Variants in RAB11FIP4 observed in about 807,000 individuals in gnomAD.
The protein encoded by RAB11FIP4 is RAB11 family interacting protein 4.
Under a neutral mutation model 74.3 loss-of-function variants are expected in RAB11FIP4, and 23 were observed. That is an observed-to-expected ratio of 0.31 (90% CI 0.22 to 0.44). The LOEUF (loss-of-function observed/expected upper bound fraction) is 0.44, where lower values mean the gene tolerates loss of function less well. Ranked by LOEUF, RAB11FIP4 falls within the 20% of genes least tolerant of loss-of-function variation. The pLI is 1.00. For missense variants in RAB11FIP4, 630 were observed against 863.9 expected (o/e 0.73, Z 3.39); for synonymous variants, 360 against 359.9 (o/e 1.00, Z 0.00).
chr17:31,508,453 C>T lies in RAB11FIP4; in HGVS notation c.337-9198C>T, dbSNP rs1028482108. ...GCAGCCCTTCTCTCCTGTCTGTCAG[C>T]AGGCTTCTGGGAGTGGGTGCTACGT... On this transcript the variant is annotated intron_variant, in intron 3 of 14. Coordinates refer to ENST00000621161, the MANE Select transcript of RAB11FIP4 (RefSeq NM_032932.6). Among the ~76,000 whole-genome samples the T allele has an allele frequency of 1.8e-4, 28 of 152,204 alleles. 1 individual carries two copies. The highest frequency in any genetic ancestry group is 7.3e-5 in the Non-Finnish European group (5 of 68,038).
At position 31,434,137 on chromosome 17, in the gene RAB11FIP4, GC is replaced by G. The variant is rs1567654321; in HGVS notation, c.336+17del. 6.4e-7 allele frequency: 1 copy of G among 1,558,482 alleles called. No homozygotes were observed. The highest frequency in any genetic ancestry group is 8.7e-7 in the Non-Finnish European group (1 of 1,155,944). ...GCGTGGAGCAGGTAAGGCTTGGGGG[GC>G]CTCAAGGACCTCCATGGCTCTGCCT... On this transcript the variant is annotated intron_variant, in intron 3 of 14. Coordinates refer to ENST00000621161, the MANE Select transcript of RAB11FIP4 (RefSeq NM_032932.6).
intron 3 of RAB11FIP4, among the ~76,000 whole-genome samples, chr17:31,514,192 T>C (rs2072504035): frequency 6.6e-6 from 1 of 152,244 alleles, no homozygotes; most frequent in Non-Finnish European, 1.5e-5. Flanking sequence ...GGTCAGGGGC[T>C]TGGGCCAGCT....
At chr17:31,522,114 G>A (rs758202180) in intron 6 of RAB11FIP4, 65 bp downstream of exon 6, 1 of 1,600,042 alleles carries the variant, frequency 6.2e-7, no homozygotes, top group Non-Finnish European at 8.6e-7. Flanking sequence ...GGAGGGAGAA[G>A]CTACGGGCAT....
intron 3 of RAB11FIP4, among the ~76,000 whole-genome samples, chr17:31,446,494 C>T (rs2071465608): frequency 2.0e-5 from 3 of 152,028 alleles, no homozygotes; most frequent in Non-Finnish European, 2.9e-5. Context: ...AACGTCTGTG[C>T]GATGAACACT....
intron 3 of RAB11FIP4, among the ~76,000 whole-genome samples, chr17:31,466,096 A>C (rs954558334): frequency 1.3e-5 from 2 of 152,028 alleles, no homozygotes; most frequent in Admixed American, 1.3e-4. Context: ...GTGAGCCGAG[A>C]TCACGCCACT....
At chr17:31,412,039 C>A (rs540382699) in intron 1 of RAB11FIP4, among the ~76,000 whole-genome samples, 71 of 152,286 alleles carry the variant, frequency 4.7e-4, no homozygotes, top group African/African-American at 1.7e-3. Context: ...ATGCTGAGTT[C>A]AATCACCTGG....
At chr17:31,463,552 A>C (rs2071653143) in intron 3 of RAB11FIP4, among the ~76,000 whole-genome samples, 1 of 152,066 alleles carries the variant, frequency 6.6e-6, no homozygotes, top group Admixed American at 6.6e-5. Flanking sequence ...GGCAGCCAGC[A>C]TGTGCCTTTC....
intron 3 of RAB11FIP4, among the ~76,000 whole-genome samples, chr17:31,446,431 A>G (rs1033829174): frequency 6.6e-6 from 1 of 151,998 alleles, no homozygotes; most frequent in Non-Finnish European, 1.5e-5. Flanking sequence ...CGGCCTTGGT[A>G]CTTTCTGGCT....
chr17:31,392,219 C>T (rs1239517266), intron 1 of RAB11FIP4: 7 of 368,916 alleles, frequency 1.9e-5, no homozygotes, highest in Non-Finnish European at 3.3e-5. Context: ...GCGCCCGTGC[C>T]CCGAGCGTCA....
intron 1 of RAB11FIP4, among the ~76,000 whole-genome samples, chr17:31,428,070 G>T (rs1483651239): frequency 6.6e-6 from 1 of 152,162 alleles, no homozygotes; most frequent in Non-Finnish European, 1.5e-5. Flanking sequence ...CCTCACCCCA[G>T]ACTCACCCCA....
At chr17:31,489,192 T>C (rs1244556909) in intron 3 of RAB11FIP4, among the ~76,000 whole-genome samples, 1 of 152,182 alleles carries the variant, frequency 6.6e-6, no homozygotes, top group African/African-American at 2.4e-5. Context: ...TTCCTGGTGA[T>C]CCACCAAACT....
At chr17:31,392,104 CGAGGCGGTGG>C in intron 1 of RAB11FIP4, 93 bp downstream of exon 1, 1 of 1,014,366 alleles carries the variant, frequency 9.9e-7, no homozygotes. Flanking sequence ...CCGCGTGGCC[CGAGGCGGTGG>C]CCTCCCTCCC....
intron 3 of RAB11FIP4, among the ~76,000 whole-genome samples, chr17:31,445,576 A>ATG (rs1567658421): frequency 1.6e-3 from 16 of 10,018 alleles, no homozygotes; most frequent in South Asian, 8.9e-3. Context: ...ATATATATAT[A>ATG]TATTTTTTTT....
intron 3 of RAB11FIP4, among the ~76,000 whole-genome samples, chr17:31,453,385 C>A (rs867256422): frequency 1.9e-4 from 22 of 114,378 alleles, no homozygotes; most frequent in African/African-American, 7.8e-4. Flanking sequence ...AAAAAACAAA[C>A]CTGGGGAGAG....
intron 3 of RAB11FIP4, among the ~76,000 whole-genome samples, chr17:31,478,295 C>T (rs2071814741): frequency 6.6e-6 from 1 of 152,102 alleles, no homozygotes; most frequent in African/African-American, 2.4e-5. Flanking sequence ...GCCTGGCCAG[C>T]TGTAAATACC....
chr17:31,523,611 G>A lies in RAB11FIP4; in HGVS notation c.1029G>A (p.Lys343=). Residue 343 remains lysine, a splice_region_variant and synonymous_variant, in exon 8 of 15, where the codon AAG becomes AAA. Coordinates refer to ENST00000621161, the MANE Select transcript of RAB11FIP4 (RefSeq NM_032932.6). ...IDSCDNDITE[K]VSFLEKKVTE... ...CTTGCGACAATGACATCACAGAGAAGGTGGGCCTTGGGTGGCTGGAGAAGG... is the reference window on the plus strand; with the variant it reads ...CTTGCGACAATGACATCACAGAGAAAGTGGGCCTTGGGTGGCTGGAGAAGG... 1.9e-6 allele frequency: 3 copies of A among 1,613,584 alleles called. No homozygotes were observed. The highest frequency in any genetic ancestry group is 2.5e-6 in the Non-Finnish European group (3 of 1,179,486).
chr17:31,495,000 G>A (rs1204944100), intron 3 of RAB11FIP4, among the ~76,000 whole-genome samples: 1 of 152,226 alleles, frequency 6.6e-6, no homozygotes, highest in Non-Finnish European at 1.5e-5. Context: ...GGGGAGGATG[G>A]CCCTCCACAC....
At chr17:31,517,109 T>A (rs1163381820) in intron 3 of RAB11FIP4, among the ~76,000 whole-genome samples, 2 of 148,730 alleles carry the variant, frequency 1.3e-5, no homozygotes, top group Non-Finnish European at 3.0e-5. Flanking sequence ...CCAGCCTGAT[T>A]GGTTGCAGGA....
At chr17:31,497,552 TG>T (rs1248684956) in intron 3 of RAB11FIP4, among the ~76,000 whole-genome samples, 1 of 151,076 alleles carries the variant, frequency 6.6e-6, no homozygotes, top group African/African-American at 2.4e-5. Context: ...TGGGCTGCAG[TG>T]GGGTGAGGCA....
Sources: allele counts gnomAD v4.1 joint callset (sites outside exome capture counted in the v4.1 genomes callset), GRCh38; gene constraint gnomAD v4.1.1; transcripts MANE v1.5; gene names NCBI Gene and HGNC (gene_info 2026-07-23, HGNC 2026-07-21).